FEZ1: variants seen among roughly 807,000 people sequenced by gnomAD.
The protein encoded by FEZ1 is fasciculation and elongation protein zeta 1, also known as fasciculation and elongation protein zeta-1.
In FEZ1, 20 loss-of-function variants were observed where a neutral mutation model predicts 49.3. The ratio of observed to expected loss-of-function variants is 0.41; its 90% confidence interval spans 0.29 to 0.59. The LOEUF (loss-of-function observed/expected upper bound fraction) is 0.59. Among genes scored for constraint, FEZ1 ranks in the 20% least tolerant of loss-of-function variants. The pLI, the probability that FEZ1 is intolerant of heterozygous loss-of-function variation, is 0.36. For missense variants in FEZ1, 413 were observed against 476.0 expected, an observed-to-expected ratio of 0.87 and a Z score of 1.23; for synonymous variants, 170 against 180.9, an observed-to-expected ratio of 0.94 and a Z score of 0.48.
chr11:125,458,344 G>A (rs1042457755), intron 5 of FEZ1, among the ~76,000 whole-genome samples: 1 of 152,166 alleles, frequency 6.6e-6, no homozygotes, highest in Non-Finnish European at 1.5e-5. Flanking sequence ...CTGGTGAATT[G>A]TTCTGCCTTT....
At chr11:125,451,601 C>T (rs930619656) in intron 8 of FEZ1, 2 of 152,176 alleles carry the variant, frequency 1.3e-5, no homozygotes, top group African/African-American at 4.8e-5. Context: ...CCCTCGTGAT[C>T]CTCTGGGCCT....
At chr11:125,452,185 G>A (rs550786114) in intron 8 of FEZ1, 149 bp downstream of exon 8, 13 of 653,622 alleles carry the variant, frequency 2.0e-5, no homozygotes, top group South Asian at 7.3e-5. Context: ...TACACTGTGC[G>A]GGAGGATGTG....
chr11:125,493,721 C>T lies in FEZ1; in HGVS notation c.-46+2400G>A, dbSNP rs151063415. Among the ~76,000 whole-genome samples the T allele has an allele frequency of 5.2e-3, 788 of 152,212 alleles. 2 individuals are homozygous for T. Among genetic ancestry groups the T allele is most frequent in the Non-Finnish European group, 7.8e-3 (531 of 68,016 alleles). The stretch of plus-strand genomic sequence containing the variant: ...TTTATTTGTTCAAAGGTTCCTGGAT[C>T]GTGGGTTCCATTTTACAGAGATATG... On this transcript the variant is annotated intron_variant, in intron 1 of 9. Transcript: ENST00000278919.
chr11:125,473,686 G>T (rs1957202453), intron 3 of FEZ1, among the ~76,000 whole-genome samples: 1 of 152,188 alleles, frequency 6.6e-6, no homozygotes, highest in Admixed American at 6.5e-5. Flanking sequence ...GGGCATGGTT[G>T]CAGGCACCTG....
chr11:125,493,178 A>G (rs1170206194), intron 1 of FEZ1, among the ~76,000 whole-genome samples: 2 of 149,890 alleles, frequency 1.3e-5, no homozygotes, highest in African/African-American at 4.9e-5. Context: ...AATACAAAAA[A>G]AAAAAATTAG....
chr11:125,460,588 C>T lies in FEZ1; in HGVS notation c.577G>A (p.Gly193Arg). The change falls in exon 5 of 10, where the codon GGA becomes AGA. Residue 193 changes from glycine (G) to arginine (R), a missense_variant. Physicochemically the swap from Gly to Arg is moderately radical, Grantham distance 125 (BLOSUM62 -2). Transcript: ENST00000278919. ...EEEEVLEEED[G>R]GETSSQADSV... Reference sequence around the variant, plus strand: ...TCTGCCTGGGAGGAAGTTTCTCCTCCATCCTCTTCTTCCAGAACCTCCTCT... The same window carrying T: ...TCTGCCTGGGAGGAAGTTTCTCCTCTATCCTCTTCTTCCAGAACCTCCTCT... 1 of 1,614,156 alleles carries T rather than the reference C, an allele frequency of 6.2e-7. No individual in the cohort carries two copies. The highest frequency in any genetic ancestry group is 8.5e-7 in the Non-Finnish European group (1 of 1,180,012).
chr11:125,480,691 T>C (rs1957271027), intron 3 of FEZ1, among the ~76,000 whole-genome samples: 1 of 152,192 alleles, frequency 6.6e-6, no homozygotes, highest in Non-Finnish European at 1.5e-5. Flanking sequence ...AGTTTCCTCC[T>C]CTTATTTCAG....
At chr11:125,479,295 A>G (rs1206245351) in intron 3 of FEZ1, among the ~76,000 whole-genome samples, 3 of 152,196 alleles carry the variant, frequency 2.0e-5, no homozygotes, top group Non-Finnish European at 4.4e-5. Flanking sequence ...TAATCTACAA[A>G]TATATTGCCG....
intron 3 of FEZ1, among the ~76,000 whole-genome samples, chr11:125,470,660 G>T (rs113907452): frequency 7.2e-5 from 11 of 152,098 alleles, no homozygotes; most frequent in African/African-American, 2.7e-4. Flanking sequence ...TGAAATAAAT[G>T]AGATAAATAA....
At chr11:125,464,889 C>G (rs1957112217) in intron 3 of FEZ1, among the ~76,000 whole-genome samples, 1 of 152,214 alleles carries the variant, frequency 6.6e-6, no homozygotes, top group South Asian at 2.1e-4. Flanking sequence ...GCCAAGTCCA[C>G]CACCTGCGAT....
In FEZ1 at chr11:125,489,222, T is replaced by C. The variant is rs1347424650; in HGVS notation, c.311+245A>G. On this transcript the variant is annotated intron_variant, in intron 2 of 9. Coordinates refer to ENST00000278919, the MANE Select transcript of FEZ1 (RefSeq NM_005103.5). This position sits in a 1 kb window ranked among gnomAD's most constrained non-coding sequence, Gnocchi z 4.2. ...CCTGAAATTTACTGTGCTCCTGAAA[T>C]TCCATTTTGTATCTAGGAAAACCTT... The C allele has an allele frequency of 8.6e-7, 1 of 1,158,802 alleles. No individual in the cohort carries two copies. Among genetic ancestry groups the C allele is most frequent in the Admixed American group, 4.6e-5 (1 of 21,714 alleles). The allele number at this position is 1,158,802 out of a possible 1,614,324, so 71.8% of individuals were successfully genotyped here.
chr11:125,464,881 C>G (rs1957112074), intron 3 of FEZ1, among the ~76,000 whole-genome samples: 1 of 152,156 alleles, frequency 6.6e-6, no homozygotes, highest in Non-Finnish European at 1.5e-5. Context: ...CTCTCTCTGC[C>G]AAGTCCACCA....
At position 125,443,083 on chromosome 11, in the gene FEZ1, A is replaced by G. The variant is rs1229382263; in HGVS notation, c.*3012T>C. Among the ~76,000 whole-genome samples, 1 of 152,132 alleles carries G rather than the reference A, an allele frequency of 6.6e-6. No individual in the cohort carries two copies. Among genetic ancestry groups the G allele is most frequent in the East Asian group, 1.9e-4 (1 of 5,196 alleles). Reference sequence around the variant, plus strand: ...GAACTTGACCAGACTAGGCCTAGCAAAATCCTTTAATTGATGGAAACATAC... The same window carrying G: ...GAACTTGACCAGACTAGGCCTAGCAGAATCCTTTAATTGATGGAAACATAC... On this transcript the variant is annotated 3_prime_UTR_variant, in exon 10 of 10. Coordinates refer to ENST00000278919, the MANE Select transcript of FEZ1 (RefSeq NM_005103.5).
At chr11:125,490,950 C>T (rs1164561342) in intron 1 of FEZ1, among the ~76,000 whole-genome samples, 4 of 152,076 alleles carry the variant, frequency 2.6e-5, no homozygotes, top group Non-Finnish European at 5.9e-5. Flanking sequence ...GATGGGGTTT[C>T]ACCATGTTGG....
intron 4 of FEZ1, among the ~76,000 whole-genome samples, chr11:125,462,040 C>T (rs1231667468): frequency 6.6e-6 from 1 of 152,204 alleles, no homozygotes; most frequent in Non-Finnish European, 1.5e-5. Context: ...CTACAAGTCA[C>T]AAGAATAGCT....
At chr11:125,457,946 C>G (rs61917852) in intron 5 of FEZ1, among the ~76,000 whole-genome samples, 21 of 152,248 alleles carry the variant, frequency 1.4e-4, no homozygotes, top group Non-Finnish European at 2.6e-4. Context: ...CCCTCTCCCC[C>G]TTCTGTTTTT....
At chr11:125,461,432 C>A (rs1414057422) in intron 4 of FEZ1, among the ~76,000 whole-genome samples, 2 of 152,122 alleles carry the variant, frequency 1.3e-5, no homozygotes, top group Non-Finnish European at 2.9e-5. Flanking sequence ...CATGGCGAAA[C>A]CCCATCTCTG....
At chr11:125,494,671 T>A (rs1194197439) in intron 1 of FEZ1, among the ~76,000 whole-genome samples, 2 of 152,214 alleles carry the variant, frequency 1.3e-5, no homozygotes, top group Non-Finnish European at 2.9e-5. Flanking sequence ...CCATTTATTT[T>A]CACTCCCAAT....
chr11:125,459,720 C>G (rs1957054719), intron 5 of FEZ1, among the ~76,000 whole-genome samples: 1 of 152,226 alleles, frequency 6.6e-6, no homozygotes, highest in East Asian at 1.9e-4. Flanking sequence ...TGGCCTTGGA[C>G]AAGTCATGTA....
Sources: gnomAD v4.1 joint callset for allele counts (sites outside exome capture counted in the v4.1 genomes callset) on GRCh38, gnomAD v4.1.1 for gene constraint, Gnocchi (gnomAD v3.1) non-coding constraint, MANE v1.5 for transcripts, NCBI Gene and HGNC (gene_info 2026-07-23, HGNC 2026-07-21) for gene names.